CNTN4: variants seen among roughly 807,000 people sequenced by gnomAD.
CNTN4 encodes the protein contactin-4.
A neutral mutation model predicts 122.5 loss-of-function variants in CNTN4; 77 were observed. That is an observed-to-expected ratio of 0.63 (90% CI 0.52 to 0.76). The LOEUF is 0.76. CNTN4 is among the 30% of genes least tolerant of loss of function. The probability of loss-of-function intolerance (pLI) is 0.00; values close to 1 mark genes in which losing one functional copy is unlikely to be tolerated. For synonymous variants in CNTN4, 512 were observed against 447.0 expected (o/e 1.15, Z -1.83); for missense variants, 1,256 against 1,259.1 (o/e 1.00, Z 0.04).
intron 2 of CNTN4, among the ~76,000 whole-genome samples, chr3:2,203,081 G>A (rs1042446206): frequency 7.3e-5 from 11 of 151,302 alleles, no homozygotes; most frequent in African/African-American, 1.2e-4. Context: ...TTGTCTGCCC[G>A]CCTCAGCCTC....
intron 2 of CNTN4, among the ~76,000 whole-genome samples, chr3:2,167,057 G>A (rs1011855247): frequency 6.6e-6 from 1 of 152,098 alleles, no homozygotes; most frequent in Non-Finnish European, 1.5e-5. Flanking sequence ...AGACATAGAT[G>A]TAATAAAAAT....
intron 1 of CNTN4, chr3:2,099,520 G>A (rs2125069748): frequency 6.5e-6 from 1 of 152,934 alleles, no homozygotes. Context: ...ACAGGAGCCC[G>A]TAGCCGTGGT....
At chr3:2,516,825 C>A (rs1173670131) in intron 3 of CNTN4, among the ~76,000 whole-genome samples, 1 of 151,982 alleles carries the variant, frequency 6.6e-6, no homozygotes, top group African/African-American at 2.4e-5. Flanking sequence ...GCTGACTATG[C>A]CAGGCATTTG....
intron 5 of CNTN4, among the ~76,000 whole-genome samples, chr3:2,745,227 G>C (rs971520378): frequency 1.3e-5 from 2 of 152,194 alleles, no homozygotes; most frequent in Non-Finnish European, 2.9e-5. Flanking sequence ...TGAGAAATCT[G>C]TGGCCCGCCT....
chr3:2,514,774 A>C (rs1194308347), intron 3 of CNTN4, among the ~76,000 whole-genome samples: 1 of 152,194 alleles, frequency 6.6e-6, no homozygotes, highest in Non-Finnish European at 1.5e-5. Context: ...CTGGGCATTC[A>C]TGCCTGGAAC....
intron 4 of CNTN4, among the ~76,000 whole-genome samples, chr3:2,711,238 C>G (rs181636386): frequency 6.6e-6 from 1 of 152,236 alleles, no homozygotes; most frequent in Non-Finnish European, 1.5e-5. Flanking sequence ...AGATCATAGA[C>G]AGTGATGGAG....
chr3:2,876,251 G>A (rs1385816710), intron 8 of CNTN4, among the ~76,000 whole-genome samples: 2 of 152,182 alleles, frequency 1.3e-5, no homozygotes, highest in African/African-American at 4.8e-5. Context: ...GGTGGTGGTA[G>A]AGAAGATAAC....
In CNTN4 at chr3:2,565,525, G is replaced by T. The variant is rs2079120558; in HGVS notation, c.-88-5891G>T. 3.3e-5 allele frequency among the ~76,000 whole-genome samples: 5 copies of T among 152,124 alleles called. No individual in the cohort carries two copies. In the South Asian group the frequency reaches 1.0e-3, roughly 32 times the overall value. On this transcript the variant is annotated intron_variant, in intron 3 of 24. Transcript: ENST00000418658. ...TACTGTAATCACAGGACATACAGAT[G>T]ACCTGAACTACTCATTTGACATATA...
intron 6 of CNTN4, among the ~76,000 whole-genome samples, chr3:2,771,969 T>G (rs918440114): frequency 1.3e-5 from 2 of 152,162 alleles, no homozygotes; most frequent in Non-Finnish European, 1.5e-5. Flanking sequence ...AGCCTGAATC[T>G]TCATGGATAT....
intron 4 of CNTN4, among the ~76,000 whole-genome samples, chr3:2,702,745 A>G (rs552627575): frequency 6.7e-6 from 1 of 149,814 alleles, no homozygotes; most frequent in East Asian, 1.9e-4. Context: ...ATATTCACGC[A>G]ATCGTTCATG....
chr3:3,001,439 G>A (rs1359359581), intron 14 of CNTN4, among the ~76,000 whole-genome samples: 2 of 152,214 alleles, frequency 1.3e-5, no homozygotes, highest in African/African-American at 4.8e-5. Context: ...CATCAGGTGT[G>A]TTTAAATGTC....
chr3:2,324,118 A>C (rs940324347), intron 2 of CNTN4, among the ~76,000 whole-genome samples: 2 of 152,126 alleles, frequency 1.3e-5, no homozygotes, highest in African/African-American at 4.8e-5. Context: ...CATGGCAATT[A>C]AAAATGTCTC....
At chr3:2,734,391 C>T (rs2088925087) in intron 4 of CNTN4, among the ~76,000 whole-genome samples, 1 of 152,134 alleles carries the variant, frequency 6.6e-6, no homozygotes, top group Admixed American at 6.5e-5. Flanking sequence ...GATAAAGAAT[C>T]ACTGGCCTAG....
rs1157102087 is a variant in CNTN4 at position 2,458,958 on chromosome 3, A to C, written c.-88-112458A>C. Among the ~76,000 whole-genome samples the C allele has an allele frequency of 2.0e-5, 3 of 152,322 alleles. No homozygotes were observed. The East Asian group carries it at 5.8e-4, about 29-fold the overall frequency. ...GTACAATTCTTCCTTTCCGCCTAGC[A>C]TGCTTTGCATTCCACTCTTTAGACA... On this transcript the variant is annotated intron_variant, in intron 3 of 24. Transcript: ENST00000418658.
intron 3 of CNTN4, among the ~76,000 whole-genome samples, chr3:2,542,343 G>T (rs1379669497): frequency 6.6e-6 from 1 of 152,106 alleles, no homozygotes; most frequent in African/African-American, 2.4e-5. Flanking sequence ...ATGGACTCAG[G>T]TTGAAAGGTT....
chr3:2,724,184 G>C (rs1350522545), intron 4 of CNTN4, among the ~76,000 whole-genome samples: 1 of 152,098 alleles, frequency 6.6e-6, no homozygotes, highest in African/African-American at 2.4e-5. Flanking sequence ...AATGATTATG[G>C]CTTTGTTTAT....
chr3:2,292,076 T>G, intron 2 of CNTN4, among the ~76,000 whole-genome samples: 1 of 152,222 alleles, frequency 6.6e-6, no homozygotes, highest in East Asian at 1.9e-4. Flanking sequence ...GTAAGTAAAA[T>G]ATTAATCCAT....
intron 2 of CNTN4, among the ~76,000 whole-genome samples, chr3:2,250,527 A>G (rs1248985106): frequency 6.6e-6 from 1 of 151,856 alleles, no homozygotes; most frequent in African/African-American, 2.4e-5. Flanking sequence ...TAGAGGGAGG[A>G]TATTGAATAT....
chr3:2,318,051 C>T (rs1053647245), intron 2 of CNTN4, among the ~76,000 whole-genome samples: 37 of 151,900 alleles, frequency 2.4e-4, no homozygotes, highest in African/African-American at 8.2e-4. Context: ...TATGTTAAAA[C>T]GAAGAGTTTA....
Sources: gnomAD v4.1 joint callset for allele counts (sites outside exome capture counted in the v4.1 genomes callset) on GRCh38, gnomAD v4.1.1 for gene constraint, MANE v1.5 for transcripts, NCBI Gene and HGNC (gene_info 2026-07-23, HGNC 2026-07-21) for gene names.